Variants in CALN1 observed in about 807,000 individuals in gnomAD.
CALN1 encodes the protein calneuron 1, also known as calcium-binding protein 8.
A neutral mutation model predicts 30.6 loss-of-function variants in CALN1; 17 were observed. The observed-to-expected ratio is 0.56, with a 90% CI of 0.38 to 0.83. CALN1 has a LOEUF of 0.83. Among genes scored for constraint, CALN1 ranks in the 40% least tolerant of loss-of-function variants. The probability of loss-of-function intolerance (pLI) is 0.00; values close to 1 mark genes in which losing one functional copy is unlikely to be tolerated. For missense variants in CALN1, 291 were observed against 354.9 expected, an observed-to-expected ratio of 0.82 and a Z score of 1.45; for synonymous variants, 156 against 131.4, an observed-to-expected ratio of 1.19 and a Z score of -1.28.
At chr7:71,949,539 G>C (rs1056186931) in intron 5 of CALN1, among the ~76,000 whole-genome samples, 1 of 151,792 alleles carries the variant, frequency 6.6e-6, no homozygotes, top group African/African-American at 2.4e-5. Flanking sequence ...GCATCACTGT[G>C]CCTGGCTAAT....
intron 3 of CALN1, among the ~76,000 whole-genome samples, chr7:72,123,613 G>A (rs6969926): frequency 0.28 from 42,539 of 152,028 alleles, 6,590 homozygotes; most frequent in Non-Finnish European, 0.35. Context: ...ACTGGCTCAC[G>A]GAAGCTCAGG....
At chr7:72,317,700 G>T (rs969189103) in intron 2 of CALN1, among the ~76,000 whole-genome samples, 3 of 152,164 alleles carry the variant, frequency 2.0e-5, no homozygotes, top group Non-Finnish European at 4.4e-5. Context: ...AGGCTGAGAG[G>T]AAAGAAAGGG....
At chr7:71,953,566 T>A (rs1796805193) in intron 5 of CALN1, among the ~76,000 whole-genome samples, 1 of 152,190 alleles carries the variant, frequency 6.6e-6, no homozygotes, top group Non-Finnish European at 1.5e-5. Flanking sequence ...GTTTTCCGCA[T>A]TCTAAGGTGC....
Position 71,915,751 on chromosome 7 carries a change from AC to A in CALN1, c.502-105260del, listed in dbSNP as rs1167086248. On this transcript the variant is annotated intron_variant, in intron 5 of 6. Coordinates refer to ENST00000395275, the MANE Select transcript of CALN1 (RefSeq NM_031468.4). ...CCGTCTCAAAACAAAAACCAACCAA[AC>A]AAAAAAAAAACCCAATCTGCCCAAG... Among the ~76,000 whole-genome samples, 264 of 114,138 alleles carry A rather than the reference AC, an allele frequency of 2.3e-3. 1 individual carries two copies. The highest frequency in any genetic ancestry group is 9.0e-3 in the African/African-American group (253 of 28,184). 74.9% of individuals were successfully genotyped at this position (114,138 alleles called of 152,430 possible).
At chr7:72,297,739 G>A (rs977791428) in intron 2 of CALN1, among the ~76,000 whole-genome samples, 1 of 152,156 alleles carries the variant, frequency 6.6e-6, no homozygotes, top group Admixed American at 6.5e-5. Flanking sequence ...AATGTCATTG[G>A]CAGTATTTAC....
intron 2 of CALN1, among the ~76,000 whole-genome samples, chr7:72,336,202 T>A (rs1427231419): frequency 6.6e-6 from 1 of 151,862 alleles, no homozygotes; most frequent in Non-Finnish European, 1.5e-5. Context: ...GAACCCTGCC[T>A]CCCGCCTCCC....
intron 2 of CALN1, among the ~76,000 whole-genome samples, chr7:72,287,726 G>C (rs749489356): frequency 2.0e-5 from 3 of 152,078 alleles, no homozygotes; most frequent in Non-Finnish European, 4.4e-5. Context: ...GATTACAGGC[G>C]TGAGCCACTA....
At chr7:72,158,854 ATTTGTTTG>A (rs907988321) in intron 3 of CALN1, among the ~76,000 whole-genome samples, 3 of 151,680 alleles carry the variant, frequency 2.0e-5, no homozygotes, top group African/African-American at 7.3e-5. Flanking sequence ...TTATTTATTT[ATTTGTTTG>A]TTTGTTTGTT....
chr7:72,423,951 AAGGGAGGGAGGG>A lies in CALN1; in HGVS notation c.-225-11688_-225-11677del, dbSNP rs201015686. On this transcript the variant is annotated intron_variant, in intron 1 of 6. Transcript: ENST00000395276. ...AAAGAAAGAAGAGAAAGAAAGAAAG[AAGGGAGGGAGGG>A]AGGGAGGGAGGGAGGGAGGAAGGAA... Among the ~76,000 whole-genome samples the A allele has an allele frequency of 3.5e-4, 36 of 104,136 alleles. 1 individual carries two copies. In the South Asian group the frequency reaches 7.5e-3, roughly 22 times the overall value. 68.3% of individuals were successfully genotyped at this position (104,136 alleles called of 152,430 possible).
intron 5 of CALN1, among the ~76,000 whole-genome samples, chr7:71,884,400 A>G (rs1273581396): frequency 6.6e-6 from 1 of 152,156 alleles, no homozygotes; most frequent in East Asian, 1.9e-4. Context: ...CAGGGCGGAC[A>G]CATCATCCTA....
chr7:72,372,314 G>A (rs931985565), intron 2 of CALN1, among the ~76,000 whole-genome samples: 2 of 152,052 alleles, frequency 1.3e-5, no homozygotes, highest in Non-Finnish European at 2.9e-5. Flanking sequence ...CAAATGGATG[G>A]GAAAAACTTC....
intron 4 of CALN1, among the ~76,000 whole-genome samples, chr7:72,033,584 G>A (rs1801593106): frequency 6.6e-6 from 1 of 152,200 alleles, no homozygotes; most frequent in Non-Finnish European, 1.5e-5. Flanking sequence ...AAGAGGGAAG[G>A]ATTCTAATGA....
At chr7:72,165,583 C>CT (rs1406088355) in intron 3 of CALN1, among the ~76,000 whole-genome samples, 2 of 152,090 alleles carry the variant, frequency 1.3e-5, no homozygotes, top group East Asian at 3.9e-4. Context: ...GCCAAAAACT[C>CT]TGTCTCCAAC....
intron 3 of CALN1, among the ~76,000 whole-genome samples, chr7:72,117,104 G>C (rs1808039190): frequency 6.6e-6 from 1 of 152,026 alleles, no homozygotes; most frequent in African/African-American, 2.4e-5. Flanking sequence ...TTTGAGACCA[G>C]GAATTCAAGA....
intron 2 of CALN1, among the ~76,000 whole-genome samples, chr7:72,331,364 A>AAAG (rs1562895029): frequency 3.9e-5 from 6 of 152,224 alleles, no homozygotes; most frequent in African/African-American, 1.4e-4. Flanking sequence ...AAGAAAGAAA[A>AAAG]AAAAGAAAAA....
chr7:71,842,305 G>T (rs973930126), intron 5 of CALN1, among the ~76,000 whole-genome samples: 18 of 152,218 alleles, frequency 1.2e-4, no homozygotes, highest in African/African-American at 4.3e-4. Context: ...GAGCATAAAA[G>T]TGAGGACCCT....
At chr7:72,440,740 T>C (rs1407497850) in intron 1 of CALN1, among the ~76,000 whole-genome samples, 2 of 152,154 alleles carry the variant, frequency 1.3e-5, no homozygotes, top group African/African-American at 2.4e-5. Flanking sequence ...AACAGGAGAA[T>C]TGCTTGAACC....
chr7:72,229,824 A>C (rs893171595), intron 3 of CALN1, among the ~76,000 whole-genome samples: 1 of 151,816 alleles, frequency 6.6e-6, no homozygotes, highest in Admixed American at 6.6e-5. Context: ...GGACAAATAC[A>C]TAATGCATTT....
At chr7:71,984,356 C>T (rs1164753773) in intron 5 of CALN1, among the ~76,000 whole-genome samples, 1 of 152,154 alleles carries the variant, frequency 6.6e-6, no homozygotes, top group African/African-American at 2.4e-5. Flanking sequence ...CTCCTGGTTG[C>T]TTTAGAATCA....
Sources: allele counts gnomAD v4.1 joint callset (sites outside exome capture counted in the v4.1 genomes callset), GRCh38; gene constraint gnomAD v4.1.1; transcripts MANE v1.5; gene names NCBI Gene and HGNC (gene_info 2026-07-23, HGNC 2026-07-21).